The following ITGA1 variants were observed in gnomAD, a reference collection of about 807,000 sequenced individuals.
ITGA1 encodes the protein integrin alpha-1.
Under a neutral mutation model 145.9 loss-of-function variants are expected in ITGA1, and 85 were observed. The observed-to-expected ratio is 0.58, with a 90% CI of 0.49 to 0.70. The LOEUF (loss-of-function observed/expected upper bound fraction) is 0.70. Ranked by LOEUF, ITGA1 falls within the 30% of genes least tolerant of loss-of-function variation. The pLI is 0.00. For missense variants in ITGA1, 1,351 were observed against 1,418.7 expected (o/e 0.95, Z 0.77); for synonymous variants, 520 against 495.3 (o/e 1.05, Z -0.66).
intron 23 of ITGA1, among the ~76,000 whole-genome samples, chr5:52,937,031 C>T (rs1561254407): frequency 1.4e-5 from 2 of 140,148 alleles, no homozygotes; most frequent in African/African-American, 2.8e-5. Context: ...TTTCCAGTTT[C>T]AAAAAGACTG....
intron 7 of ITGA1, among the ~76,000 whole-genome samples, chr5:52,885,652 A>C (rs1212318529): frequency 1.3e-5 from 2 of 152,234 alleles, no homozygotes; most frequent in Non-Finnish European, 2.9e-5. Context: ...AGCAGTCAGA[A>C]CCATAAGAAG....
chr5:52,917,842 T>C (rs1750670591), intron 15 of ITGA1, among the ~76,000 whole-genome samples: 2 of 152,222 alleles, frequency 1.3e-5, no homozygotes, highest in African/African-American at 4.8e-5. Flanking sequence ...TGTTTATATT[T>C]TCTATGAGTC....
At chr5:52,831,508 CTCTT>C (rs1749069648) in intron 1 of ITGA1, among the ~76,000 whole-genome samples, 1 of 147,710 alleles carries the variant, frequency 6.8e-6, no homozygotes, top group African/African-American at 2.5e-5. Context: ...TAGCATAGAC[CTCTT>C]TATTGATTAA....
Position 52,922,864 on chromosome 5 carries a change from C to T in ITGA1, c.2380C>T (p.Leu794=), listed in dbSNP as rs61748764. 0.029 allele frequency: 45,913 copies of T among 1,603,776 alleles called. 864 individuals are homozygous for T. Among genetic ancestry groups the T allele is most frequent in the Non-Finnish European group, 0.032 (36,905 of 1,170,660 alleles). The change falls in exon 18 of 29, where the codon CTA becomes TTA. Residue 794 remains leucine, a synonymous_variant. Transcript: ENST00000282588. ...AAATGGGCCTGTTCTTGATGATTCT[C>T]TACCAAACTCAGTACATGAATATGT... ...PENGPVLDDS[L]PNSVHEYIPF... is the part of the protein sequence containing the mutation.
intron 1 of ITGA1, among the ~76,000 whole-genome samples, chr5:52,791,889 T>C (rs1370556388): frequency 5.9e-5 from 9 of 152,206 alleles, no homozygotes; most frequent in Non-Finnish European, 1.3e-4. Flanking sequence ...ATGACAAATC[T>C]ACTCAATTCA....
At chr5:52,933,027 T>A (rs1300284855) in intron 22 of ITGA1, 3 of 152,086 alleles carry the variant, frequency 2.0e-5, no homozygotes, top group Non-Finnish European at 4.4e-5. Flanking sequence ...GTAATAATTG[T>A]ACATATTTAT....
At chr5:52,873,329 A>G (rs1277607607) in intron 6 of ITGA1, among the ~76,000 whole-genome samples, 1 of 152,072 alleles carries the variant, frequency 6.6e-6, no homozygotes, top group Non-Finnish European at 1.5e-5. Context: ...TTCTCCACAA[A>G]CACAGTGAAT....
chr5:52,945,002 T>C lies in ITGA1; in HGVS notation c.3345T>C (p.Ser1115=). The C allele has an allele frequency of 6.2e-7, 1 of 1,613,404 alleles. No individual in the cohort carries two copies. The highest frequency in any genetic ancestry group is 8.5e-7 in the Non-Finnish European group (1 of 1,179,690). ...IRGELRSENA[S]LVLSSSNQKR... ...GAGAACTTCGGAGTGAAAATGCATCTCTGGTTTTAAGTAGCAGCAATCAAA... is the reference window on the plus strand; with the variant it reads ...GAGAACTTCGGAGTGAAAATGCATCCCTGGTTTTAAGTAGCAGCAATCAAA... Residue 1115 remains serine, a synonymous_variant, in exon 27 of 29, where the codon TCT becomes TCC. Transcript: ENST00000282588.
intron 1 of ITGA1, among the ~76,000 whole-genome samples, chr5:52,833,061 A>G (rs2111724910): frequency 6.6e-6 from 1 of 151,964 alleles, no homozygotes; most frequent in Admixed American, 6.6e-5. Flanking sequence ...GCATGGTGGT[A>G]CACACTTTTA....
rs111691833 is a variant in ITGA1, at chr5:52,862,404, G to A, written c.295+845G>A. 2.1e-3 allele frequency among the ~76,000 whole-genome samples: 314 copies of A among 152,028 alleles called. 1 individual carries two copies. The highest frequency in any genetic ancestry group is 0.016 in the South Asian group (78 of 4,814). On this transcript the variant is annotated intron_variant, in intron 3 of 28. Coordinates refer to ENST00000282588, the MANE Select transcript of ITGA1 (RefSeq NM_181501.2). ...TTTTTCTATAATCATTTATCTTCCAGATTGACATAGAATGCCATTTTGATT... is the reference window on the plus strand; with the variant it reads ...TTTTTCTATAATCATTTATCTTCCAAATTGACATAGAATGCCATTTTGATT...
intron 28 of ITGA1, among the ~76,000 whole-genome samples, chr5:52,949,410 T>G (rs1366175243): frequency 1.3e-5 from 2 of 152,192 alleles, no homozygotes; most frequent in Non-Finnish European, 2.9e-5. Context: ...CTCTGTGTTC[T>G]CTCTTGCTTC....
intron 5 of ITGA1, among the ~76,000 whole-genome samples, chr5:52,865,369 A>G (rs1749670564): frequency 6.6e-6 from 1 of 152,238 alleles, no homozygotes; most frequent in Non-Finnish European, 1.5e-5. Flanking sequence ...AAGTAACTTC[A>G]TTTGAGATAT....
intron 27 of ITGA1, among the ~76,000 whole-genome samples, chr5:52,947,083 C>G (rs1751145933): frequency 6.6e-6 from 1 of 152,192 alleles, no homozygotes. Context: ...TCCCCTTGAG[C>G]ATTCCAATCC....
intron 8 of ITGA1, among the ~76,000 whole-genome samples, chr5:52,890,765 T>C (rs529777060): frequency 6.6e-6 from 1 of 152,320 alleles, no homozygotes; most frequent in South Asian, 2.1e-4. Flanking sequence ...TATTTTGAAA[T>C]ATACAATATG....
chr5:52,931,035 A>C (rs1035348714), intron 21 of ITGA1: 1 of 152,156 alleles, frequency 6.6e-6, no homozygotes, highest in Non-Finnish European at 1.5e-5. Context: ...CCAAGGCAGC[A>C]TGCTGCTTTC....
intron 14 of ITGA1, among the ~76,000 whole-genome samples, chr5:52,914,072 C>G (rs146919822): frequency 5.7e-4 from 87 of 152,300 alleles, no homozygotes; most frequent in Non-Finnish European, 4.1e-4. Context: ...AAAAGGAAAG[C>G]TAAATCATTG....
At chr5:52,840,950 C>T (rs1749246020) in intron 1 of ITGA1, among the ~76,000 whole-genome samples, 1 of 152,200 alleles carries the variant, frequency 6.6e-6, no homozygotes, top group Admixed American at 6.5e-5. Context: ...TACACACACT[C>T]ACTTTGAAGT....
At chr5:52,925,167 G>T in intron 18 of ITGA1, 111 bp from the exon 19 acceptor site, 1 of 721,020 alleles carries the variant, frequency 1.4e-6, no homozygotes. Flanking sequence ...TTCTCCTTAT[G>T]AGTTGCTTAA....
At chr5:52,914,307 CAAGGAGTCAG>C (rs1191896971) in intron 14 of ITGA1, among the ~76,000 whole-genome samples, 4 of 152,042 alleles carry the variant, frequency 2.6e-5, no homozygotes, top group Non-Finnish European at 5.9e-5. Context: ...CCCATAGAAC[CAAGGAGTCAG>C]ATATCTCCTG....
Sources: gnomAD v4.1 joint callset for allele counts (sites outside exome capture counted in the v4.1 genomes callset) on GRCh38, gnomAD v4.1.1 for gene constraint, MANE v1.5 for transcripts, NCBI Gene and HGNC (gene_info 2026-07-23, HGNC 2026-07-21) for gene names.